Variants in MYB observed in about 807,000 individuals in gnomAD.
MYB encodes transcriptional activator Myb.
Under a neutral mutation model 92.9 loss-of-function variants are expected in MYB, and 28 were observed. The ratio of observed to expected loss-of-function variants is 0.30; its 90% confidence interval spans 0.22 to 0.41. The LOEUF is 0.41. Among genes scored for constraint, MYB ranks in the 10% least tolerant of loss-of-function variants. The pLI, the probability that MYB is intolerant of heterozygous loss-of-function variation, is 1.00. For synonymous variants in MYB, 295 were observed against 329.1 expected, an observed-to-expected ratio of 0.90 and a Z score of 1.12; for missense variants, 679 against 929.3, an observed-to-expected ratio of 0.73 and a Z score of 3.50.
At position 135,190,644 on chromosome 6, in the gene MYB, G is replaced by A. The variant is rs1776504840; in HGVS notation, c.527+297G>A. ...AGTGTTAGGATCAAGTAAAATGAAT[G>A]TCAAAGGACTTGGTAAACTATAAAA... On this transcript the variant is annotated intron_variant, in intron 5 of 15. Transcript: ENST00000341911. The surrounding 1 kb of genome is among the most constrained non-coding windows in gnomAD (Gnocchi z 4.5). Among the ~76,000 whole-genome samples, 1 of 152,160 alleles carries A rather than the reference G, an allele frequency of 6.6e-6. No individual in the cohort carries two copies. The highest frequency in any genetic ancestry group is 1.5e-5 in the Non-Finnish European group (1 of 68,028).
rs1380474982 is a variant in MYB, at chr6:135,181,791, T to TCC, written c.23+255_23+256insCC. 1.3e-5 allele frequency among the ~76,000 whole-genome samples: 2 copies of TCC among 152,194 alleles called. No homozygotes were observed. The highest frequency in any genetic ancestry group is 2.9e-5 in the Non-Finnish European group (2 of 68,014). On this transcript the variant is annotated intron_variant, in intron 1 of 15. Transcript: ENST00000341911. This position sits in a 1 kb window ranked among gnomAD's most constrained non-coding sequence, Gnocchi z 5.3. ...ATTTTGCAAGTTGCATGGGGATACATTTTTCTTTAGGGGGAAAAAGAAAGC... is the reference window on the plus strand; with the variant it reads ...ATTTTGCAAGTTGCATGGGGATACATCCTTTTCTTTAGGGGGAAAAAGAAAGC...
Position 135,181,342 on chromosome 6 carries a change from T to TCTCCTCCTCCTCCGTGAC in MYB, c.-159_-142dup, listed in dbSNP as rs1775007659. On this transcript the variant is annotated 5_prime_UTR_variant, in exon 1 of 16. Transcript: ENST00000341911. This position sits in a 1 kb window ranked among gnomAD's most constrained non-coding sequence, Gnocchi z 5.3. ...TATCAACCTGTTTCCTCCTCCTCCTTCTCCTCCTCCTCCGTGACCTCCTCC... is the reference window on the plus strand; with the variant it reads ...TATCAACCTGTTTCCTCCTCCTCCTTCTCCTCCTCCTCCGTGACCTCCTCCTCCTCCGTGACCTCCTCC... 3 of 216,082 alleles carry TCTCCTCCTCCTCCGTGAC rather than the reference T, an allele frequency of 1.4e-5. No homozygotes were observed. The highest frequency in any genetic ancestry group is 2.6e-5 in the Non-Finnish European group (3 of 114,956). 13.4% of individuals were successfully genotyped at this position (216,082 alleles called of 1,614,324 possible). A position where few individuals can be genotyped will look rare whatever the true frequency, so the allele number is the denominator to read the frequency against.
At chr6:135,192,267 C>G (rs768300487) in intron 5 of MYB, 57 bp from the exon 6 acceptor site, 2 of 1,409,000 alleles carry the variant, frequency 1.4e-6, no homozygotes, top group Admixed American at 1.7e-5. Flanking sequence ...TGTCAATTCA[C>G]TTTAATCTGA....
At chr6:135,193,486 T>G (rs1776890774) in intron 6 of MYB, among the ~76,000 whole-genome samples, 1 of 152,134 alleles carries the variant, frequency 6.6e-6, no homozygotes, top group Admixed American at 6.5e-5. Context: ...AAACAGCTGG[T>G]GCCATCAATT....
rs769461366 is a variant in MYB, at chr6:135,185,991, T to C, written c.112T>C (p.Leu38=). The C allele has an allele frequency of 1.9e-6, 3 of 1,614,138 alleles. No individual in the cohort carries two copies. The highest frequency in any genetic ancestry group is 2.2e-5 in the South Asian group (2 of 91,080). The part of the protein sequence containing the change: ...GLLPKSGKRH[L]GKTRWTREED... ...GCTTCCCAAGTCTGGAAAGCGTCACTTGGGGAAAACAAGGTGGACCCGGGA... is the reference window on the plus strand; with the variant it reads ...GCTTCCCAAGTCTGGAAAGCGTCACCTGGGGAAAACAAGGTGGACCCGGGA... The change falls in exon 2 of 16, where the codon TTG becomes CTG. Residue 38 remains leucine (L), a synonymous_variant. Coordinates refer to ENST00000341911, the MANE Select transcript of MYB (RefSeq NM_001130173.2).
chr6:135,209,967 G>A (rs915577948), intron 15 of MYB, among the ~76,000 whole-genome samples: 5 of 152,158 alleles, frequency 3.3e-5, no homozygotes, highest in Admixed American at 6.5e-5. Flanking sequence ...CCTAGAAAGC[G>A]TGCATTTGTG....
At chr6:135,202,332 T>A (rs1400412322) in intron 14 of MYB, 2 of 153,372 alleles carry the variant, frequency 1.3e-5, no homozygotes, top group Admixed American at 1.3e-4. Context: ...TTCAGTTAAT[T>A]CTCACAATTA....
intron 15 of MYB, 39 bp downstream of exon 15, chr6:135,203,363 C>G: frequency 6.9e-7 from 1 of 1,450,568 alleles, no homozygotes; most frequent in East Asian, 2.3e-5. Flanking sequence ...AAAATTCATT[C>G]ACTGAAAAAC....
At chr6:135,187,426 A>G (rs1004113404) in intron 2 of MYB, among the ~76,000 whole-genome samples, 1 of 152,206 alleles carries the variant, frequency 6.6e-6, no homozygotes, top group Non-Finnish European at 1.5e-5. Flanking sequence ...TAAAGCAGTT[A>G]TTTATAATAA....
intron 9 of MYB, 23 bp from the exon 10 acceptor site, chr6:135,196,938 C>A: frequency 1.2e-6 from 2 of 1,602,752 alleles, no homozygotes; most frequent in East Asian, 2.2e-5. Context: ...TCTCAAAGTT[C>A]TGTGCCTCCC....
In MYB at chr6:135,199,727, T is replaced by C. The variant is rs539229316; in HGVS notation, c.1710-358T>C. The C allele has an allele frequency of 1.4e-5, 4 of 276,612 alleles. No homozygotes were observed. The South Asian group carries it at 2.7e-4, about 19-fold the overall frequency. 17.1% of individuals were successfully genotyped at this position (276,612 alleles called of 1,614,324 possible). A position where few individuals can be genotyped will look rare whatever the true frequency, so the allele number is the denominator to read the frequency against. ...TTTAAAAGTTTAACATGTTTTGTAGTATGGGCTCTGTTTTCATGAATAGGG... is the reference window on the plus strand; with the variant it reads ...TTTAAAAGTTTAACATGTTTTGTAGCATGGGCTCTGTTTTCATGAATAGGG... On this transcript the variant is annotated intron_variant, in intron 11 of 15. Coordinates refer to ENST00000341911, the MANE Select transcript of MYB (RefSeq NM_001130173.2).
chr6:135,186,056 T>G, intron 2 of MYB, 36 bp downstream of exon 2: 1 of 1,569,408 alleles, frequency 6.4e-7, no homozygotes, highest in East Asian at 2.2e-5. Flanking sequence ...AGAAAATAGA[T>G]AGAGTGTATA....
rs1776783871 is a variant in MYB at position 135,192,786 on chromosome 6, T to G, written c.762+228T>G. On this transcript the variant is annotated intron_variant, in intron 6 of 15. Coordinates refer to ENST00000341911, the MANE Select transcript of MYB (RefSeq NM_001130173.2). ...AGCGCTTTGCCCAGGGTGACACAGCTCATAGAGATAGTGCTGACTAGAAAA... is the reference window on the plus strand; with the variant it reads ...AGCGCTTTGCCCAGGGTGACACAGCGCATAGAGATAGTGCTGACTAGAAAA... 2.0e-5 allele frequency among the ~76,000 whole-genome samples: 3 copies of G among 152,320 alleles called. No homozygotes were observed. In the South Asian group the frequency reaches 6.2e-4, roughly 32 times the overall value.
At position 135,200,308 on chromosome 6, in the gene MYB, CTAG is replaced by C; in HGVS notation, c.1847_1849del (p.Val616del). 1 of 1,614,102 alleles carries C rather than the reference CTAG, an allele frequency of 6.2e-7. No homozygotes were observed. Among genetic ancestry groups the C allele is most frequent in the Non-Finnish European group, 8.5e-7 (1 of 1,180,010 alleles). On this transcript the variant is annotated inframe_deletion, in exon 13 of 16. Transcript: ENST00000341911. ...CGTTTAGCCTCAGACACCCTCTCAT[CTAG>C]TAGAAGATCTGCAGGATGTGATCAA...
Position 135,218,027 on chromosome 6 carries a change from C to T in MYB, c.*47C>T, listed in dbSNP as rs751266789. On this transcript the variant is annotated 3_prime_UTR_variant, in exon 16 of 16. Transcript: ENST00000341911. ...TGGTTTTCAGAACACTTCAAGTTGA[C>T]TTGGGATATATCATTCCTCAACATG... 1.4e-6 allele frequency: 2 copies of T among 1,404,630 alleles called. No individual in the cohort carries two copies. Among genetic ancestry groups the T allele is most frequent in the Admixed American group, 1.7e-5 (1 of 59,498 alleles). The allele number at this position is 1,404,630 out of a possible 1,614,324, so 87.0% of individuals were successfully genotyped here. A position where few individuals can be genotyped will look rare whatever the true frequency, so the allele number is the denominator to read the frequency against.
Position 135,200,389 on chromosome 6 carries a change from C to G in MYB, c.1924C>G (p.Pro642Ala). The G allele has an allele frequency of 1.2e-6, 2 of 1,614,110 alleles. No homozygotes were observed. Among genetic ancestry groups the G allele is most frequent in the Non-Finnish European group, 1.7e-6 (2 of 1,180,034 alleles). The change falls in exon 13 of 16, where the codon CCC becomes GCC. Residue 642 changes from proline (P) to alanine (A), a missense_variant. Around this residue, in one of 8 missense-constraint regions of MYB, gnomAD observed 402 missense variants for 434.2 expected, o/e 0.93. Transcript: ENST00000341911. ...IVAEFQENGP[P>A]LLKKIKQEVE... The stretch of plus-strand genomic sequence containing the variant: ...TGCTGAGTTTCAAGAAAATGGACCA[C>G]CCTTACTGAAGAAAATCAAACAAGA...
At chr6:135,208,563 T>TA (rs11389656) in intron 15 of MYB, among the ~76,000 whole-genome samples, 2 of 149,682 alleles carry the variant, frequency 1.3e-5, no homozygotes, top group Non-Finnish European at 3.0e-5. Flanking sequence ...TTTTTTTTTT[T>TA]AGAGATGGGG....
chr6:135,203,618 T>A, intron 15 of MYB: 1 of 920,382 alleles, frequency 1.1e-6, no homozygotes, highest in Non-Finnish European at 1.6e-6. Context: ...ATTACACGTG[T>A]GTCACTATCT....
rs536173968 is a variant in MYB at position 135,218,249 on chromosome 6, T to TA, written c.*269_*270insA. 1,168 of 329,706 alleles carry TA rather than the reference T, an allele frequency of 3.5e-3. 6 individuals are homozygous for TA. The highest frequency in any genetic ancestry group is 5.1e-3 in the Admixed American group (98 of 19,252). The allele number at this position is 329,706 out of a possible 1,614,324, so 20.4% of individuals were successfully genotyped here. On this transcript the variant is annotated 3_prime_UTR_variant, in exon 16 of 16. Transcript: ENST00000341911. The stretch of plus-strand genomic sequence containing the variant: ...TGTTAATATCTTAATGCAGATTTTT[T>TA]TAAAAAAAACATAAAATGATTTATC...
Sources: allele counts gnomAD v4.1 joint callset (sites outside exome capture counted in the v4.1 genomes callset), GRCh38; gene constraint gnomAD v4.1.1; regional missense constraint gnomAD v4.1.1; non-coding constraint Gnocchi (gnomAD v3.1); transcripts MANE v1.5; gene names NCBI Gene and HGNC (gene_info 2026-07-23, HGNC 2026-07-21).